CADM2: variants seen among roughly 807,000 people sequenced by gnomAD.
The protein encoded by CADM2 is cell adhesion molecule 2.
CADM2 carries 12 observed loss-of-function variants against 49.8 expected under a neutral mutation model. The observed-to-expected ratio is 0.24, with a 90% CI of 0.15 to 0.39. CADM2 has a LOEUF of 0.39. Among genes scored for constraint, CADM2 ranks in the 10% least tolerant of loss-of-function variants. The pLI is 1.00. For synonymous variants in CADM2, 214 were observed against 175.4 expected, an observed-to-expected ratio of 1.22 and a Z score of -1.74; for missense variants, 378 against 492.3, an observed-to-expected ratio of 0.77 and a Z score of 2.20.
intron 1 of CADM2, among the ~76,000 whole-genome samples, chr3:85,060,272 G>T (rs191598753): frequency 2.0e-5 from 3 of 151,856 alleles, no homozygotes; most frequent in Non-Finnish European, 2.9e-5. Flanking sequence ...GATTACAGGC[G>T]CCCACCACCA....
intron 1 of CADM2, among the ~76,000 whole-genome samples, chr3:85,070,239 G>C (rs1476764757): frequency 6.6e-6 from 1 of 151,970 alleles, no homozygotes; most frequent in Non-Finnish European, 1.5e-5. Context: ...GATTATGTGG[G>C]CTAAAATTAT....
intron 1 of CADM2, among the ~76,000 whole-genome samples, chr3:85,492,784 CT>C (rs34171248): frequency 0.6 from 90,346 of 151,688 alleles, 28,352 homozygotes; most frequent in East Asian, 0.93. Flanking sequence ...CATGTTAACA[CT>C]TTTTTTAAAA....
At chr3:85,765,700 A>G (rs1156729728) in intron 2 of CADM2, among the ~76,000 whole-genome samples, 7 of 151,462 alleles carry the variant, frequency 4.6e-5, no homozygotes, top group Non-Finnish European at 1.0e-4. Flanking sequence ...TGTATTTCTT[A>G]TTTATTATTT....
intron 1 of CADM2, among the ~76,000 whole-genome samples, chr3:85,369,799 TC>T (rs1239871930): frequency 4.6e-5 from 7 of 152,138 alleles, no homozygotes; most frequent in Non-Finnish European, 1.0e-4. Context: ...ACATCAGTGT[TC>T]AACCAACTGC....
At chr3:85,254,694 A>G (rs2042846517) in intron 1 of CADM2, among the ~76,000 whole-genome samples, 2 of 152,138 alleles carry the variant, frequency 1.3e-5, no homozygotes. Context: ...ACTGTGCAGA[A>G]CAATTTAGTG....
intron 1 of CADM2, among the ~76,000 whole-genome samples, chr3:85,638,661 A>T (rs1037228333): frequency 6.6e-6 from 1 of 152,070 alleles, no homozygotes; most frequent in African/African-American, 2.4e-5. Flanking sequence ...AAATTTTAAA[A>T]TGCTGTTGGA....
intron 1 of CADM2, among the ~76,000 whole-genome samples, chr3:85,518,297 G>C (rs2060951318): frequency 6.6e-6 from 1 of 152,040 alleles, no homozygotes; most frequent in African/African-American, 2.4e-5. Context: ...AGCCTCAGCT[G>C]TTTTTCTGAA....
intron 1 of CADM2, among the ~76,000 whole-genome samples, chr3:85,200,423 G>A (rs1335601966): frequency 1.3e-5 from 2 of 151,986 alleles, no homozygotes; most frequent in East Asian, 3.9e-4. Context: ...TCTCAGTTTG[G>A]TGGCGAGATA....
chr3:85,429,038 G>A (rs2036550901), intron 1 of CADM2, among the ~76,000 whole-genome samples: 1 of 151,812 alleles, frequency 6.6e-6, no homozygotes, highest in Non-Finnish European at 1.5e-5. Context: ...ACTTGACTCT[G>A]GTTTGACAAT....
At chr3:85,068,617 C>T (rs966955330) in intron 1 of CADM2, among the ~76,000 whole-genome samples, 25 of 152,122 alleles carry the variant, frequency 1.6e-4, no homozygotes, top group African/African-American at 5.6e-4. Flanking sequence ...CCACACAACT[C>T]CTGATGTAAT....
At chr3:85,158,335 T>G (rs2040207118) in intron 1 of CADM2, among the ~76,000 whole-genome samples, 1 of 152,212 alleles carries the variant, frequency 6.6e-6, no homozygotes, top group African/African-American at 2.4e-5. Flanking sequence ...GCCATCCCAT[T>G]ACTGGGTATA....
intron 1 of CADM2, among the ~76,000 whole-genome samples, chr3:85,583,979 G>A (rs925384007): frequency 2.0e-5 from 3 of 151,754 alleles, no homozygotes; most frequent in Admixed American, 6.6e-5. Flanking sequence ...AGATTACTTA[G>A]CCTGTTCATG....
chr3:85,422,143 T>G (rs756537995), intron 1 of CADM2, among the ~76,000 whole-genome samples: 2 of 150,178 alleles, frequency 1.3e-5, no homozygotes, highest in Non-Finnish European at 3.0e-5. Flanking sequence ...AATGTGTACA[T>G]AAATATACAT....
chr3:85,966,840 G>T (rs896869570), intron 8 of CADM2, among the ~76,000 whole-genome samples: 13 of 151,524 alleles, frequency 8.6e-5, no homozygotes, highest in Non-Finnish European at 1.8e-4. Flanking sequence ...ATGTTTCCAG[G>T]ATAATTTACT....
chr3:85,641,643 T>G (rs1473252494), intron 1 of CADM2, among the ~76,000 whole-genome samples: 1 of 151,922 alleles, frequency 6.6e-6, no homozygotes, highest in South Asian at 2.1e-4. Context: ...TAGGCATGAA[T>G]GGGCCGGGCA....
At chr3:85,357,741 T>C (rs906945146) in intron 1 of CADM2, among the ~76,000 whole-genome samples, 1 of 152,106 alleles carries the variant, frequency 6.6e-6, no homozygotes, top group Non-Finnish European at 1.5e-5. Flanking sequence ...AAAACTTCCA[T>C]GTCTTCTTCT....
At chr3:85,326,701 C>G (rs1363593942) in intron 1 of CADM2, among the ~76,000 whole-genome samples, 1 of 152,008 alleles carries the variant, frequency 6.6e-6, no homozygotes, top group Non-Finnish European at 1.5e-5. Context: ...TACTGCCTAC[C>G]CAGGCATGAA....
chr3:85,637,616 A>ATAAAATAAATAAAAT (rs5850706), intron 1 of CADM2, among the ~76,000 whole-genome samples: 1 of 96,088 alleles, frequency 1.0e-5, no homozygotes, highest in Admixed American at 1.0e-4. Flanking sequence ...CTCAAAAAAA[A>ATAAAATAAATAAAAT]AAAAAAAAAT....
intron 1 of CADM2, among the ~76,000 whole-genome samples, chr3:85,628,622 T>G (rs1256227690): frequency 3.5e-5 from 2 of 57,350 alleles, no homozygotes; most frequent in African/African-American, 2.4e-4. Context: ...TTTATATACA[T>G]ATATACGCAT....
Sources: gnomAD v4.1 joint callset for allele counts (sites outside exome capture counted in the v4.1 genomes callset) on GRCh38, gnomAD v4.1.1 for gene constraint, MANE v1.5 for transcripts, NCBI Gene and HGNC (gene_info 2026-07-23, HGNC 2026-07-21) for gene names.